Variants in CSMD1 observed in about 807,000 individuals in gnomAD.
CSMD1 encodes CUB and Sushi multiple domains 1, also known as CUB and sushi domain-containing protein 1.
In CSMD1, 213 loss-of-function variants were observed where a neutral mutation model predicts 417.5. The observed-to-expected ratio is 0.51, with a 90% confidence interval of 0.46 to 0.57. The LOEUF (loss-of-function observed/expected upper bound fraction) is 0.57. Among genes scored for constraint, CSMD1 ranks in the 20% least tolerant of loss-of-function variants. The pLI is 0.00. For synonymous variants in CSMD1, 2,862 were observed against 1,736.8 expected, an observed-to-expected ratio of 1.65 and a Z score of -16.11; for missense variants, 6,923 against 4,529.7, an observed-to-expected ratio of 1.53 and a Z score of -15.17.
chr8:3,527,604 G>A (rs1797806651), intron 10 of CSMD1, among the ~76,000 whole-genome samples: 1 of 151,538 alleles, frequency 6.6e-6, no homozygotes, highest in Non-Finnish European at 1.5e-5. Flanking sequence ...ACACACACAC[G>A]GGCATCTAAG....
chr8:4,834,050 C>A (rs1312186072), intron 1 of CSMD1, among the ~76,000 whole-genome samples: 1 of 152,060 alleles, frequency 6.6e-6, no homozygotes, highest in Non-Finnish European at 1.5e-5. Flanking sequence ...TAGGTGCCAC[C>A]ATTAGCAATG....
intron 3 of CSMD1, among the ~76,000 whole-genome samples, chr8:4,074,894 G>T (rs1242778735): frequency 6.6e-6 from 1 of 151,962 alleles, no homozygotes; most frequent in Non-Finnish European, 1.5e-5. Context: ...ACTTCCACGT[G>T]GCAGAAGTAG....
intron 3 of CSMD1, among the ~76,000 whole-genome samples, chr8:4,261,299 A>T (rs1052028441): frequency 6.6e-6 from 1 of 152,136 alleles, no homozygotes; most frequent in Non-Finnish European, 1.5e-5. Flanking sequence ...AAGTGAAATA[A>T]CCCAGGCATA....
intron 7 of CSMD1, among the ~76,000 whole-genome samples, chr8:3,669,353 T>A (rs943328692): frequency 5.3e-5 from 8 of 152,146 alleles, no homozygotes; most frequent in Non-Finnish European, 1.2e-4. Context: ...CTTCAGAGCC[T>A]GCCTTGGGCG....
rs560625592 is a variant in CSMD1, at chr8:4,342,730, G to T, written c.415+77223C>A. On this transcript the variant is annotated intron_variant, in intron 3 of 69. Transcript: ENST00000635120. ...GAGGTTAGCAAAGGGAGAACATTCC[G>T]CAGTAGACAGGCTTGCAGAAGACGT... 2.6e-5 allele frequency among the ~76,000 whole-genome samples: 4 copies of T among 152,192 alleles called. No homozygotes were observed. In the East Asian group the frequency reaches 5.8e-4, roughly 22 times the overall value.
In CSMD1 at chr8:3,495,824, G is replaced by A. The variant is rs79970632; in HGVS notation, c.1345-2098C>T. 0.01 allele frequency among the ~76,000 whole-genome samples: 1,588 copies of A among 152,274 alleles called. 44 individuals carry two copies. In the East Asian group the frequency reaches 0.11, roughly 11 times the overall value. ...AATGGTTTTAGTTCCTACAGCATAT[G>A]CACCCTCCTTATGTCTTGCATGGAC... is the stretch of plus-strand genomic sequence containing the variant. On this transcript the variant is annotated intron_variant, in intron 10 of 69. Transcript: ENST00000635120.
In CSMD1 at chr8:4,800,342, G is replaced by T. The variant is rs550242307; in HGVS notation, c.86-162784C>A. On this transcript the variant is annotated intron_variant, in intron 1 of 69. Coordinates refer to ENST00000635120, the MANE Select transcript of CSMD1 (RefSeq NM_033225.6). ...CCTACTCGTGAGGCTGAGGCAGGAAGATTTCTTGAACCTGGGAGGTGGAGG... is the reference window on the plus strand; with the variant it reads ...CCTACTCGTGAGGCTGAGGCAGGAATATTTCTTGAACCTGGGAGGTGGAGG... Among the ~76,000 whole-genome samples the T allele has an allele frequency of 2.0e-5, 3 of 150,246 alleles. No homozygotes were observed. The East Asian group carries it at 6.0e-4, about 30-fold the overall frequency.
chr8:4,604,947 A>G (rs1453215977), intron 2 of CSMD1, among the ~76,000 whole-genome samples: 1 of 152,130 alleles, frequency 6.6e-6, no homozygotes, highest in African/African-American at 2.4e-5. Flanking sequence ...CCAGAGATGT[A>G]ATTTGTTCTT....
intron 2 of CSMD1, among the ~76,000 whole-genome samples, chr8:4,441,621 C>T (rs951192269): frequency 2.0e-5 from 3 of 151,848 alleles, no homozygotes; most frequent in Non-Finnish European, 4.4e-5. Context: ...AGTTCTTCAC[C>T]ACCTAGGTAT....
chr8:4,286,552 G>A (rs1422002146), intron 3 of CSMD1, among the ~76,000 whole-genome samples: 3 of 151,916 alleles, frequency 2.0e-5, no homozygotes, highest in Non-Finnish European at 4.4e-5. Flanking sequence ...TAAGAACATG[G>A]GCATGATCAC....
chr8:4,237,075 C>G (rs1802110074), intron 3 of CSMD1, among the ~76,000 whole-genome samples: 1 of 152,144 alleles, frequency 6.6e-6, no homozygotes, highest in South Asian at 2.1e-4. Flanking sequence ...ATGATTACGC[C>G]TACAATTTTA....
intron 10 of CSMD1, among the ~76,000 whole-genome samples, chr8:3,548,288 A>C (rs1399908972): frequency 6.6e-6 from 1 of 152,042 alleles, no homozygotes; most frequent in Non-Finnish European, 1.5e-5. Flanking sequence ...TAAAATGCTT[A>C]TTTAATTATT....
At chr8:3,250,673 C>A (rs1362519108) in intron 26 of CSMD1, among the ~76,000 whole-genome samples, 1 of 152,190 alleles carries the variant, frequency 6.6e-6, no homozygotes, top group African/African-American at 2.4e-5. Flanking sequence ...ATGGTCCCAC[C>A]AACAGTGTAA....
chr8:4,942,771 G>C lies in CSMD1; in HGVS notation c.85+51561C>G, dbSNP rs1374245673. On this transcript the variant is annotated intron_variant, in intron 1 of 69. Coordinates refer to ENST00000635120, the MANE Select transcript of CSMD1 (RefSeq NM_033225.6). ...CAGACAGGGAGAAATGACATACACAGATGATGTAGCTAGGGAATTGGAAAC... is the reference window on the plus strand; with the variant it reads ...CAGACAGGGAGAAATGACATACACACATGATGTAGCTAGGGAATTGGAAAC... Among the ~76,000 whole-genome samples, 5 of 152,206 alleles carry C rather than the reference G, an allele frequency of 3.3e-5. No homozygotes were observed. The East Asian group carries it at 9.6e-4, about 29-fold the overall frequency.
chr8:3,595,497 C>G (rs1410838236), intron 8 of CSMD1, among the ~76,000 whole-genome samples: 1 of 152,032 alleles, frequency 6.6e-6, no homozygotes, highest in Non-Finnish European at 1.5e-5. Flanking sequence ...AACTCTCTAG[C>G]CTGAGGAAAG....
At chr8:4,616,610 G>A (rs1029596375) in intron 2 of CSMD1, among the ~76,000 whole-genome samples, 1 of 152,140 alleles carries the variant, frequency 6.6e-6, no homozygotes, top group East Asian at 1.9e-4. Context: ...ATAAGATACA[G>A]GATCTAGCAA....
chr8:4,358,874 A>C (rs937513033), intron 3 of CSMD1, among the ~76,000 whole-genome samples: 2 of 152,166 alleles, frequency 1.3e-5, no homozygotes, highest in African/African-American at 2.4e-5. Context: ...TTTTACCAAT[A>C]ATCACCATAA....
intron 1 of CSMD1, among the ~76,000 whole-genome samples, chr8:4,877,623 T>A (rs377276272): frequency 1.4e-4 from 22 of 152,074 alleles, no homozygotes; most frequent in East Asian, 5.8e-4. Context: ...AATTTCCTAA[T>A]CCTATATTTC....
chr8:3,664,516 T>C (rs1344309307), intron 7 of CSMD1, among the ~76,000 whole-genome samples: 1 of 152,202 alleles, frequency 6.6e-6, no homozygotes, highest in Non-Finnish European at 1.5e-5. Flanking sequence ...TCCTCCAGGA[T>C]TGTATGCTGA....
Sources: gnomAD v4.1 joint callset for allele counts (sites outside exome capture counted in the v4.1 genomes callset) on GRCh38, gnomAD v4.1.1 for gene constraint, MANE v1.5 for transcripts, NCBI Gene and HGNC (gene_info 2026-07-23, HGNC 2026-07-21) for gene names.